Variants in PSME4 observed in about 807,000 individuals in gnomAD.
The protein encoded by PSME4 is proteasome activator complex subunit 4.
Under a neutral mutation model 253.9 loss-of-function variants are expected in PSME4, and 89 were observed. That is an observed-to-expected ratio of 0.35 (90% CI 0.30 to 0.42). The LOEUF (loss-of-function observed/expected upper bound fraction) is 0.42, where lower values mean the gene tolerates loss of function less well. Ranked by LOEUF, PSME4 falls within the 10% of genes least tolerant of loss-of-function variation. The pLI is 1.00. For missense variants in PSME4, 2,014 were observed against 2,195.2 expected, an observed-to-expected ratio of 0.92 and a Z score of 1.65; for synonymous variants, 851 against 759.2, an observed-to-expected ratio of 1.12 and a Z score of -1.99.
intron 10 of PSME4, among the ~76,000 whole-genome samples, chr2:53,928,901 C>G (rs10176892): frequency 0.014 from 2,080 of 152,224 alleles, 55 homozygotes; most frequent in African/African-American, 0.047. Flanking sequence ...TGTGATGGCT[C>G]ACACCTGTAA....
At chr2:53,868,706 A>C (rs948783148) in intron 44 of PSME4, among the ~76,000 whole-genome samples, 3 of 150,020 alleles carry the variant, frequency 2.0e-5, no homozygotes, top group African/African-American at 7.4e-5. Context: ...TAATTAAGAC[A>C]CTAATCAGCA....
At chr2:53,911,951 TTTC>T (rs1160073083) in intron 20 of PSME4, among the ~76,000 whole-genome samples, 2 of 152,232 alleles carry the variant, frequency 1.3e-5, no homozygotes, top group Admixed American at 6.5e-5. Flanking sequence ...TTTGAATTGT[TTTC>T]TTATCAGGGA....
At chr2:53,964,055 A>G (rs1670607855) in intron 1 of PSME4, among the ~76,000 whole-genome samples, 1 of 152,212 alleles carries the variant, frequency 6.6e-6, no homozygotes, top group Non-Finnish European at 1.5e-5. Flanking sequence ...AATATTAGAA[A>G]ACTTCAAATC....
intron 1 of PSME4, among the ~76,000 whole-genome samples, chr2:53,969,247 A>C (rs559164575): frequency 3.9e-5 from 6 of 152,096 alleles, no homozygotes; most frequent in Admixed American, 2.6e-4. Flanking sequence ...ACTTCATTAT[A>C]CTCTAGTCAA....
intron 1 of PSME4, among the ~76,000 whole-genome samples, chr2:53,950,773 G>T (rs916572252): frequency 1.3e-5 from 2 of 151,004 alleles, no homozygotes; most frequent in Non-Finnish European, 3.0e-5. Context: ...CCTGGGAGGC[G>T]GAGGTTGCGG....
chr2:53,899,745 G>A, intron 29 of PSME4, 136 bp downstream of exon 29: 4 of 1,036,080 alleles, frequency 3.9e-6, no homozygotes, highest in Non-Finnish European at 5.6e-6. Flanking sequence ...TTAAACCCAG[G>A]AGGTGAAGGT....
chr2:53,879,565 G>A (rs1573202916), intron 41 of PSME4, among the ~76,000 whole-genome samples: 1 of 152,016 alleles, frequency 6.6e-6, no homozygotes, highest in Admixed American at 6.6e-5. Flanking sequence ...CACATGAGAG[G>A]TAAAAGATAT....
At chr2:53,928,429 G>A (rs2104457138) in intron 10 of PSME4, 126 bp from the exon 11 acceptor site, 2 of 729,628 alleles carry the variant, frequency 2.7e-6, no homozygotes, top group Non-Finnish European at 2.1e-6. Flanking sequence ...AAAATACTCA[G>A]AGTGAAAATC....
In PSME4 at chr2:53,899,885, G is replaced by C. The variant is rs1330132077; in HGVS notation, c.3418C>G (p.Leu1140Val). Residue 1140 changes from leucine to valine, a missense_variant, in exon 29 of 47, where the codon CTA becomes GTA. Transcript: ENST00000404125. ...KRQQEKNADA[L>V]RNYENLVDTL... Reference sequence around the variant, plus strand: ...AGTACACCATTCATCAATTACCTTAGGGCATCGGCATTCTTTTCCTGTTGG... The same window carrying C: ...AGTACACCATTCATCAATTACCTTACGGCATCGGCATTCTTTTCCTGTTGG... 2 of 1,613,354 alleles carry C rather than the reference G, an allele frequency of 1.2e-6. No homozygotes were observed. Among genetic ancestry groups the C allele is most frequent in the East Asian group, 2.2e-5 (1 of 44,850 alleles).
chr2:53,949,580 T>TA (rs1012765868), intron 1 of PSME4, among the ~76,000 whole-genome samples: 1 of 151,976 alleles, frequency 6.6e-6, no homozygotes, highest in African/African-American at 2.4e-5. Context: ...GATTCAGTCT[T>TA]AAAAAAGAAG....
intron 4 of PSME4, among the ~76,000 whole-genome samples, chr2:53,937,934 A>C (rs1669199505): frequency 6.6e-6 from 1 of 151,956 alleles, no homozygotes; most frequent in Non-Finnish European, 1.5e-5. Context: ...TGGAGGTTGC[A>C]GTGAGCCAAG....
intron 3 of PSME4, among the ~76,000 whole-genome samples, chr2:53,947,294 T>G (rs1375467791): frequency 2.6e-5 from 4 of 152,078 alleles, no homozygotes; most frequent in Non-Finnish European, 4.4e-5. Context: ...CAAGACATAA[T>G]GAAATAATGT....
rs77087222 is a variant in PSME4 at position 53,943,295 on chromosome 2, C to T, written c.501-3295G>A. ...CTATTCTGTATATATCTGCCTTCAT[C>T]CCTTTATAATTTAATGGTAACTGTT... On this transcript the variant is annotated intron_variant, in intron 3 of 46. Transcript: ENST00000404125. Among the ~76,000 whole-genome samples the T allele has an allele frequency of 3.8e-3, 582 of 152,292 alleles. 5 individuals carry two copies. Among genetic ancestry groups the T allele is most frequent in the Middle Eastern group, 0.037 (11 of 294 alleles).
chr2:53,866,980 TG>T, intron 44 of PSME4, 100 bp from the exon 45 acceptor site: 1 of 1,126,678 alleles, frequency 8.9e-7, no homozygotes, highest in African/African-American at 1.6e-5. Context: ...GTTTTCAATA[TG>T]TGAATTTCTG....
At chr2:53,918,810 C>A (rs910551139) in intron 20 of PSME4, among the ~76,000 whole-genome samples, 5 of 152,036 alleles carry the variant, frequency 3.3e-5, no homozygotes, top group Non-Finnish European at 7.4e-5. Flanking sequence ...TCTGAATCAA[C>A]ATTTGCTACA....
At chr2:53,933,325 C>T (rs530914019) in intron 8 of PSME4, among the ~76,000 whole-genome samples, 2 of 132,130 alleles carry the variant, frequency 1.5e-5, no homozygotes, top group African/African-American at 5.8e-5. Context: ...TTGCAGTGAG[C>T]TGAAATCACG....
intron 5 of PSME4, 46 bp from the exon 6 acceptor site, chr2:53,936,873 G>A (rs749242531): frequency 1.5e-6 from 2 of 1,298,702 alleles, no homozygotes; most frequent in Non-Finnish European, 2.2e-6. Context: ...ATTTTAAAGT[G>A]GTTCAATGCC....
intron 36 of PSME4, among the ~76,000 whole-genome samples, 195 bp from the exon 37 acceptor site, chr2:53,890,403 C>T (rs965462609): frequency 6.6e-6 from 1 of 152,164 alleles, no homozygotes; most frequent in Non-Finnish European, 1.5e-5. Context: ...GGCTTCTGAG[C>T]TCAAGTGATC....
intron 37 of PSME4, 96 bp from the exon 38 acceptor site, chr2:53,888,908 T>A (rs1033102626): frequency 4.0e-6 from 4 of 1,011,244 alleles, no homozygotes; most frequent in Non-Finnish European, 4.4e-6. Flanking sequence ...TTTTTGAGGC[T>A]AGGTCTAACT....
Sources: allele counts gnomAD v4.1 joint callset (sites outside exome capture counted in the v4.1 genomes callset), GRCh38; gene constraint gnomAD v4.1.1; transcripts MANE v1.5; gene names NCBI Gene and HGNC (gene_info 2026-07-23, HGNC 2026-07-21).